The following SPOCK3 variants were observed in gnomAD, a reference collection of about 807,000 sequenced individuals.
The protein encoded by SPOCK3 is SPARC (osteonectin), cwcv and kazal like domains proteoglycan 3.
A neutral mutation model predicts 56.6 loss-of-function variants in SPOCK3; 30 were observed. The observed-to-expected ratio is 0.53, with a 90% CI of 0.40 to 0.72. The LOEUF (loss-of-function observed/expected upper bound fraction) is 0.72, where lower values mean the gene tolerates loss of function less well. Among genes scored for constraint, SPOCK3 ranks in the 30% least tolerant of loss-of-function variants. The probability of loss-of-function intolerance (pLI) is 0.00; values close to 1 mark genes in which losing one functional copy is unlikely to be tolerated. For synonymous variants in SPOCK3, 196 were observed against 183.3 expected, an observed-to-expected ratio of 1.07 and a Z score of -0.56; for missense variants, 527 against 530.0, an observed-to-expected ratio of 0.99 and a Z score of 0.06.
chr4:166,737,364 G>C, intron 10 of SPOCK3, 103 bp downstream of exon 10: 1 of 1,247,232 alleles, frequency 8.0e-7, no homozygotes, highest in Non-Finnish European at 1.1e-6. Context: ...TACAGTCTTT[G>C]CATAGAGTAA....
intron 4 of SPOCK3, among the ~76,000 whole-genome samples, chr4:166,964,984 T>C (rs1323327019): frequency 6.6e-6 from 1 of 151,930 alleles, no homozygotes; most frequent in African/African-American, 2.4e-5. Flanking sequence ...GACTTTTCAG[T>C]GTTTACAAGG....
At chr4:167,006,134 T>C (rs1749448268) in intron 3 of SPOCK3, among the ~76,000 whole-genome samples, 1 of 152,210 alleles carries the variant, frequency 6.6e-6, no homozygotes, top group South Asian at 2.1e-4. Context: ...TAAAATATCC[T>C]TAAAACCATT....
In SPOCK3 at chr4:166,814,409, T is replaced by C. The variant is rs1744175969; in HGVS notation, c.590-22120A>G. Among the ~76,000 whole-genome samples, 4 of 151,982 alleles carry C rather than the reference T, an allele frequency of 2.6e-5. 1 individual carries two copies. In the South Asian group the frequency reaches 8.3e-4, roughly 32 times the overall value. On this transcript the variant is annotated intron_variant, in intron 6 of 10. Transcript: ENST00000357545. ...CAGAGGAGTTTGACATTTGAATCAG[T>C]AGACTGGGAGAGGAAGACCCACCCT...
chr4:167,211,112 T>C (rs917511970), intron 2 of SPOCK3, among the ~76,000 whole-genome samples: 3 of 152,182 alleles, frequency 2.0e-5, no homozygotes, highest in East Asian at 1.9e-4. Context: ...ATGTGAGACA[T>C]AGGGTTAAAG....
intron 3 of SPOCK3, among the ~76,000 whole-genome samples, chr4:167,014,329 CTT>C (rs1750390371): frequency 6.8e-6 from 1 of 147,330 alleles, no homozygotes; most frequent in Non-Finnish European, 1.5e-5. Context: ...CACATAAACT[CTT>C]TTTAAAGAAT....
chr4:166,847,359 T>C (rs982358140), intron 6 of SPOCK3, among the ~76,000 whole-genome samples: 3 of 151,996 alleles, frequency 2.0e-5, no homozygotes, highest in Non-Finnish European at 2.9e-5. Context: ...CAATTATTTA[T>C]ATAAATTAAA....
chr4:166,925,020 T>C (rs1254671257), intron 4 of SPOCK3, among the ~76,000 whole-genome samples: 1 of 152,160 alleles, frequency 6.6e-6, no homozygotes, highest in Non-Finnish European at 1.5e-5. Flanking sequence ...AATATAACTT[T>C]GTAGTAATCT....
intron 2 of SPOCK3, among the ~76,000 whole-genome samples, chr4:167,087,965 A>G (rs1030342755): frequency 1.3e-5 from 2 of 152,134 alleles, no homozygotes; most frequent in African/African-American, 4.8e-5. Context: ...GTAGATAAGC[A>G]AACGCTGATA....
At chr4:167,186,351 G>A (rs1731954692) in intron 2 of SPOCK3, among the ~76,000 whole-genome samples, 1 of 152,102 alleles carries the variant, frequency 6.6e-6, no homozygotes, top group Non-Finnish European at 1.5e-5. Context: ...CTCTAGGCCG[G>A]GCGTGGTGTT....
intron 2 of SPOCK3, among the ~76,000 whole-genome samples, chr4:167,089,250 A>T (rs978501231): frequency 6.6e-6 from 1 of 152,174 alleles, no homozygotes; most frequent in African/African-American, 2.4e-5. Flanking sequence ...AACAAAAACT[A>T]CAAGAAAATA....
At chr4:166,835,403 AC>A (rs985007926) in intron 6 of SPOCK3, among the ~76,000 whole-genome samples, 1 of 152,220 alleles carries the variant, frequency 6.6e-6, no homozygotes, top group African/African-American at 2.4e-5. Flanking sequence ...AGGAAACAAA[AC>A]AAATCCTTTA....
intron 6 of SPOCK3, among the ~76,000 whole-genome samples, chr4:166,802,781 G>A (rs1742752342): frequency 6.6e-6 from 1 of 152,068 alleles, no homozygotes; most frequent in East Asian, 1.9e-4. Context: ...AAATAAATAT[G>A]TTCACACATA....
chr4:166,997,597 G>A (rs1317657328), intron 4 of SPOCK3, among the ~76,000 whole-genome samples: 1 of 152,124 alleles, frequency 6.6e-6, no homozygotes, highest in Non-Finnish European at 1.5e-5. Flanking sequence ...CATGTACTGA[G>A]CAGTAATTCA....
At chr4:166,999,121 T>G (rs911897265) in intron 4 of SPOCK3, among the ~76,000 whole-genome samples, 3 of 152,144 alleles carry the variant, frequency 2.0e-5, no homozygotes, top group Non-Finnish European at 2.9e-5. Context: ...CAAGAAGTCT[T>G]TTGTTCTTTA....
Position 167,125,578 on chromosome 4 carries a change from T to G in SPOCK3, c.190-63041A>C, listed in dbSNP as rs528831615. On this transcript the variant is annotated intron_variant, in intron 2 of 10. Coordinates refer to ENST00000357545, the MANE Select transcript of SPOCK3 (RefSeq NM_001040159.2). ...AATATAAAAAAATTCGCCGGGCGTGTTGGCGGGCGCCTGTAGTCCCAAGCT... is the reference window on the plus strand; with the variant it reads ...AATATAAAAAAATTCGCCGGGCGTGGTGGCGGGCGCCTGTAGTCCCAAGCT... Among the ~76,000 whole-genome samples the G allele has an allele frequency of 4.0e-3, 581 of 145,884 alleles. 3 individuals are homozygous for G. The highest frequency in any genetic ancestry group is 0.013 in the African/African-American group (531 of 40,332).
At chr4:166,837,440 A>T (rs1746739176) in intron 6 of SPOCK3, among the ~76,000 whole-genome samples, 1 of 152,124 alleles carries the variant, frequency 6.6e-6, no homozygotes, top group Non-Finnish European at 1.5e-5. Flanking sequence ...AAATACTGGG[A>T]TTAAAGGCAT....
At chr4:166,775,318 C>G (rs914985530) in intron 7 of SPOCK3, among the ~76,000 whole-genome samples, 1 of 152,082 alleles carries the variant, frequency 6.6e-6, no homozygotes, top group African/African-American at 2.4e-5. Flanking sequence ...TAGAGATCAC[C>G]CATTTTCATC....
In SPOCK3 at chr4:166,868,264, A is replaced by G. The variant is rs529703806; in HGVS notation, c.589+20866T>C. 4.0e-5 allele frequency among the ~76,000 whole-genome samples: 6 copies of G among 150,732 alleles called. No homozygotes were observed. The Admixed American group carries it at 4.0e-4, about 10-fold the overall frequency. ...AGTTTGAAACCAGCCTGTGCAACATAGCAAGACCTTATCTCTACAAAAAAA... is the reference window on the plus strand; with the variant it reads ...AGTTTGAAACCAGCCTGTGCAACATGGCAAGACCTTATCTCTACAAAAAAA... On this transcript the variant is annotated intron_variant, in intron 6 of 10. Coordinates refer to ENST00000357545, the MANE Select transcript of SPOCK3 (RefSeq NM_001040159.2).
At chr4:167,077,280 A>C (rs542260635) in intron 2 of SPOCK3, among the ~76,000 whole-genome samples, 1 of 151,868 alleles carries the variant, frequency 6.6e-6, no homozygotes, top group African/African-American at 2.4e-5. Context: ...ACACACACAC[A>C]CACACACATC....
Sources: allele counts gnomAD v4.1 joint callset (sites outside exome capture counted in the v4.1 genomes callset), GRCh38; gene constraint gnomAD v4.1.1; transcripts MANE v1.5; gene names NCBI Gene and HGNC (gene_info 2026-07-23, HGNC 2026-07-21).